The following ARL14EPL variants were observed in gnomAD, a reference collection of about 807,000 sequenced individuals.
The protein encoded by ARL14EPL is ARL14 effector protein-like.
In ARL14EPL, 17 loss-of-function variants were observed where a neutral mutation model predicts 15.9. The ratio of observed to expected loss-of-function variants is 1.07; its 90% CI spans 0.73 to 1.60. The LOEUF (loss-of-function observed/expected upper bound fraction) is 1.60. ARL14EPL is among the 40% of genes most tolerant of loss of function. The pLI is 0.00. For synonymous variants in ARL14EPL, 78 were observed against 63.8 expected (o/e 1.22, Z -1.06); for missense variants, 214 against 185.9 (o/e 1.15, Z -0.88).
Position 116,059,027 on chromosome 5 carries a change from C to T in ARL14EPL, c.*80C>T, listed in dbSNP as rs1468145659. 1.5e-6 allele frequency: 2 copies of T among 1,359,724 alleles called. No homozygotes were observed. The highest frequency in any genetic ancestry group is 2.9e-5 in the African/African-American group (2 of 69,048). The allele number at this position is 1,359,724 out of a possible 1,614,324, so 84.2% of individuals were successfully genotyped here. On this transcript the variant is annotated 3_prime_UTR_variant, in exon 4 of 4. Transcript: ENST00000686077. ...TCTTTCTTTTGGGTGAATTTTAGGG[C>T]TTGGGGGAAATATCGAAAAAACATA... is the stretch of plus-strand genomic sequence containing the variant.
chr5:116,044,922 C>T (rs933530525), intron 1 of ARL14EPL, among the ~76,000 whole-genome samples: 1 of 152,086 alleles, frequency 6.6e-6, no homozygotes, highest in African/African-American at 2.4e-5. Flanking sequence ...GTATTCTTTC[C>T]TTCTTTTTCA....
Position 116,047,970 on chromosome 5 carries a change from C to G in ARL14EPL, c.-9-3487C>G, listed in dbSNP as rs145060057. ...TTTGCTTCTGAGGCTATTTCCGAAG[C>G]CTTCATTTTGAGATATTGCTTTTAA... On this transcript the variant is annotated intron_variant, in intron 1 of 3. Transcript: ENST00000686077. Among the ~76,000 whole-genome samples the G allele has an allele frequency of 9.7e-3, 1,475 of 152,214 alleles. 19 individuals are homozygous for G. Among genetic ancestry groups the G allele is most frequent in the African/African-American group, 0.033 (1,376 of 41,528 alleles).
chr5:116,046,373 A>C (rs1749268173), intron 1 of ARL14EPL, among the ~76,000 whole-genome samples: 1 of 152,194 alleles, frequency 6.6e-6, no homozygotes, highest in Non-Finnish European at 1.5e-5. Context: ...TACCCCATGC[A>C]AGACACAATC....
At chr5:116,034,042 A>C (rs1200165170) in intron 1 of ARL14EPL, among the ~76,000 whole-genome samples, 4 of 152,214 alleles carry the variant, frequency 2.6e-5, no homozygotes, top group African/African-American at 9.7e-5. Context: ...AAAGTGGACT[A>C]TTTTGATGAC....
chr5:116,054,771 C>T (rs1580417797), intron 3 of ARL14EPL, among the ~76,000 whole-genome samples: 1 of 151,930 alleles, frequency 6.6e-6, no homozygotes, highest in South Asian at 2.1e-4. Flanking sequence ...GCGGAGGTTG[C>T]AGTGAGCCGA....
At chr5:116,045,326 G>A (rs2112672721) in intron 1 of ARL14EPL, among the ~76,000 whole-genome samples, 1 of 152,286 alleles carries the variant, frequency 6.6e-6, no homozygotes, top group East Asian at 1.9e-4. Context: ...ATGTTTATCA[G>A]GAAAATGCTG....
intron 3 of ARL14EPL, among the ~76,000 whole-genome samples, chr5:116,055,028 A>G (rs2112681239): frequency 6.6e-6 from 1 of 152,266 alleles, no homozygotes; most frequent in South Asian, 2.1e-4. Flanking sequence ...GAATCTTACA[A>G]GTCAATAAGA....
At chr5:116,041,568 T>C (rs78629983) in intron 1 of ARL14EPL, among the ~76,000 whole-genome samples, 3,022 of 152,252 alleles carry the variant, frequency 0.02, 110 homozygotes, top group African/African-American at 0.068. Flanking sequence ...TTTTTGTCAC[T>C]GGGAATGATG....
intron 1 of ARL14EPL, among the ~76,000 whole-genome samples, chr5:116,036,545 G>A (rs1749052905): frequency 6.6e-6 from 1 of 152,134 alleles, no homozygotes; most frequent in Admixed American, 6.5e-5. Context: ...GTTTTTAGGG[G>A]CTTATAGAAG....
At chr5:116,058,651 G>T (rs567658727) in intron 3 of ARL14EPL, 74 bp from the exon 4 acceptor site, 1 of 1,386,586 alleles carries the variant, frequency 7.2e-7, no homozygotes, top group Non-Finnish European at 9.8e-7. Flanking sequence ...GTATGATGTT[G>T]ATTGTACATT....
chr5:116,037,956 G>A (rs1400163082), intron 1 of ARL14EPL, among the ~76,000 whole-genome samples: 2 of 152,172 alleles, frequency 1.3e-5, no homozygotes, highest in African/African-American at 2.4e-5. Flanking sequence ...TTCATGGAGA[G>A]AAAATGCTCT....
intron 1 of ARL14EPL, among the ~76,000 whole-genome samples, chr5:116,050,860 C>T (rs74915470): frequency 0.046 from 6,865 of 149,724 alleles, 533 homozygotes; most frequent in African/African-American, 0.16. Flanking sequence ...CACACACAGA[C>T]GCACGCACCC....
rs1749380038 is a variant in ARL14EPL at position 116,051,561 on chromosome 5, G to C, written c.96G>C (p.Leu32=). 6.6e-7 allele frequency: 1 copy of C among 1,525,166 alleles called. No individual in the cohort carries two copies. The highest frequency in any genetic ancestry group is 8.8e-7 in the Non-Finnish European group (1 of 1,137,048). 94.5% of individuals were successfully genotyped at this position (1,525,166 alleles called of 1,614,324 possible). A position where few individuals can be genotyped will look rare whatever the true frequency, so the allele number is the denominator to read the frequency against. Residue 32 remains leucine (L), a splice_region_variant and synonymous_variant, in exon 2 of 4, where the codon CTG becomes CTC. Transcript: ENST00000686077. ...EKNCQIGQKQ[L]QQIERQLKCL... ...ACTGTCAAATTGGACAGAAACAACTGGTATGGCACACAGATTCTATGATTC... is the reference window on the plus strand; with the variant it reads ...ACTGTCAAATTGGACAGAAACAACTCGTATGGCACACAGATTCTATGATTC...
chr5:116,049,945 A>G (rs1347691452), intron 1 of ARL14EPL, among the ~76,000 whole-genome samples: 3 of 152,242 alleles, frequency 2.0e-5, no homozygotes, highest in Non-Finnish European at 4.4e-5. Flanking sequence ...AAATGCAAAG[A>G]CTGAAAAGTT....
chr5:116,054,010 AT>A lies in ARL14EPL; in HGVS notation c.97-3del, dbSNP rs1432317724. 3 of 1,529,326 alleles carry A rather than the reference AT, an allele frequency of 2.0e-6. No individual in the cohort carries two copies. In the African/African-American group the frequency reaches 4.1e-5, roughly 21 times the overall value. 94.7% of individuals were successfully genotyped at this position (1,529,326 alleles called of 1,614,324 possible). On this transcript the variant is annotated splice_polypyrimidine_tract_variant and splice_region_variant and intron_variant, in intron 2 of 3. Coordinates refer to ENST00000686077, the MANE Select transcript of ARL14EPL (RefSeq NM_001195581.2). ...TACTATTAATACATTTATTTGTTTAATAGCAACAAATAGAGCGGCAGTTAAA... is the reference window on the plus strand; with the variant it reads ...TACTATTAATACATTTATTTGTTTAAAGCAACAAATAGAGCGGCAGTTAAA...
At chr5:116,042,394 C>T (rs1209027976) in intron 1 of ARL14EPL, among the ~76,000 whole-genome samples, 3 of 152,252 alleles carry the variant, frequency 2.0e-5, no homozygotes, top group Admixed American at 6.5e-5. Context: ...TGAGTACATC[C>T]AGTGAAGGAG....
chr5:116,049,217 C>A (rs1749326728), intron 1 of ARL14EPL, among the ~76,000 whole-genome samples: 1 of 152,154 alleles, frequency 6.6e-6, no homozygotes, highest in Non-Finnish European at 1.5e-5. Flanking sequence ...CCTAGTATTT[C>A]CTTTAATAGC....
intron 1 of ARL14EPL, among the ~76,000 whole-genome samples, chr5:116,050,622 A>G (rs1255291759): frequency 6.6e-6 from 1 of 152,162 alleles, no homozygotes; most frequent in East Asian, 1.9e-4. Context: ...AAGTTACTTC[A>G]GTAGAAATGG....
chr5:116,056,999 T>C (rs1454492603), intron 3 of ARL14EPL, among the ~76,000 whole-genome samples: 1 of 152,204 alleles, frequency 6.6e-6, no homozygotes, highest in Non-Finnish European at 1.5e-5. Context: ...CGAATATCCC[T>C]GATGAACATC....
Sources: gnomAD v4.1 joint callset for allele counts (sites outside exome capture counted in the v4.1 genomes callset) on GRCh38, gnomAD v4.1.1 for gene constraint, MANE v1.5 for transcripts, NCBI Gene and HGNC (gene_info 2026-07-23, HGNC 2026-07-21) for gene names.